The following CPEB4 variants were observed in gnomAD, a reference collection of about 807,000 sequenced individuals.
CPEB4 encodes the protein cytoplasmic polyadenylation element binding protein 4, also known as cytoplasmic polyadenylation element-binding protein 4.
CPEB4 carries 12 observed loss-of-function variants against 72.5 expected under a neutral mutation model. The observed-to-expected ratio is 0.17, with a 90% CI of 0.11 to 0.27. The LOEUF is 0.27. Ranked by LOEUF, CPEB4 falls within the 10% of genes least tolerant of loss-of-function variation. The probability of loss-of-function intolerance (pLI) is 1.00; values close to 1 mark genes in which losing one functional copy is unlikely to be tolerated. For missense variants in CPEB4, 614 were observed against 908.5 expected, an observed-to-expected ratio of 0.68 and a Z score of 4.17; for synonymous variants, 302 against 326.3, an observed-to-expected ratio of 0.93 and a Z score of 0.80.
chr5:173,914,327 A>C (rs1052774425), intron 2 of CPEB4, among the ~76,000 whole-genome samples: 4 of 152,228 alleles, frequency 2.6e-5, no homozygotes, highest in African/African-American at 7.2e-5. Context: ...AAGGTAATAA[A>C]GATAATAAAA....
chr5:173,938,024 G>C (rs1014071130), intron 3 of CPEB4, among the ~76,000 whole-genome samples: 4 of 152,148 alleles, frequency 2.6e-5, no homozygotes, highest in African/African-American at 9.7e-5. Context: ...CATCTTTGTT[G>C]AATCGTATGC....
In CPEB4 at chr5:173,956,236, G is replaced by A. The variant is rs747601587; in HGVS notation, c.*99G>A. On this transcript the variant is annotated 3_prime_UTR_variant, in exon 10 of 10. Coordinates refer to ENST00000265085, the MANE Select transcript of CPEB4 (RefSeq NM_030627.4). Reference sequence around the variant, plus strand: ...CCTCTTCACGCTGGCATGTCCTTTTGTAGCAGTCTGTAACTTAACTATAGT... The same window carrying A: ...CCTCTTCACGCTGGCATGTCCTTTTATAGCAGTCTGTAACTTAACTATAGT... 2.4e-6 allele frequency: 2 copies of A among 847,688 alleles called. No homozygotes were observed. Among genetic ancestry groups the A allele is most frequent in the Non-Finnish European group, 3.9e-6 (2 of 518,178 alleles). 52.5% of individuals were successfully genotyped at this position (847,688 alleles called of 1,614,324 possible).
At chr5:173,903,729 C>G (rs775441247) in intron 1 of CPEB4, among the ~76,000 whole-genome samples, 2 of 152,204 alleles carry the variant, frequency 1.3e-5, no homozygotes, top group Non-Finnish European at 2.9e-5. Context: ...CCAGCAGGTT[C>G]ACGTGCTGCT....
chr5:173,909,788 C>G (rs887195869), intron 1 of CPEB4, among the ~76,000 whole-genome samples: 1 of 151,884 alleles, frequency 6.6e-6, no homozygotes, highest in Non-Finnish European at 1.5e-5. Context: ...CCTTTGAGGT[C>G]GGGAGTTCAA....
intron 5 of CPEB4, among the ~76,000 whole-genome samples, chr5:173,945,365 G>T (rs1303446578): frequency 1.3e-5 from 2 of 152,200 alleles, no homozygotes; most frequent in Non-Finnish European, 2.9e-5. Flanking sequence ...ATATGAAAAG[G>T]AGTAAACATC....
At chr5:173,928,327 T>C (rs1757321124) in intron 2 of CPEB4, among the ~76,000 whole-genome samples, 1 of 152,200 alleles carries the variant, frequency 6.6e-6, no homozygotes, top group South Asian at 2.1e-4. Flanking sequence ...GCAAAAGTAG[T>C]TGCAGTTTTT....
chr5:173,901,331 T>C (rs1164349026), intron 1 of CPEB4, among the ~76,000 whole-genome samples: 2 of 152,166 alleles, frequency 1.3e-5, no homozygotes, highest in Admixed American at 6.5e-5. Flanking sequence ...ATAATTCTAT[T>C]AGGGAACATG....
intron 8 of CPEB4, among the ~76,000 whole-genome samples, chr5:173,952,399 A>G (rs528323446): frequency 1.3e-5 from 2 of 152,362 alleles, no homozygotes; most frequent in South Asian, 2.1e-4. Flanking sequence ...GCTCTGGGAT[A>G]TAATAGACTT....
rs767824733 is a variant in CPEB4, at chr5:173,961,130, C to G, written c.*4993C>G. ...CTTTCCCAACAGGCAGCTCTTCTAA[C>G]TATAGAGATTACTGAGGGTAAGGGC... is the stretch of plus-strand genomic sequence containing the variant. On this transcript the variant is annotated 3_prime_UTR_variant, in exon 10 of 10. Transcript: ENST00000265085. The G allele has an allele frequency of 1.3e-5, 2 of 152,156 alleles. No individual in the cohort carries two copies. The highest frequency in any genetic ancestry group is 6.5e-5 in the Admixed American group (1 of 15,282). The allele number at this position is 152,156 out of a possible 1,614,324, so 9.4% of individuals were successfully genotyped here.
intron 2 of CPEB4, among the ~76,000 whole-genome samples, chr5:173,927,731 C>T (rs6886746): frequency 0.11 from 16,125 of 151,870 alleles, 1,058 homozygotes; most frequent in Middle Eastern, 0.21. Context: ...AAGCTGAGAT[C>T]GCACTACTGC....
intron 1 of CPEB4, among the ~76,000 whole-genome samples, chr5:173,909,309 G>C (rs180694867): frequency 8.4e-4 from 128 of 152,230 alleles, no homozygotes; most frequent in Non-Finnish European, 1.6e-3. Flanking sequence ...TTCTAACTCT[G>C]ATCCTTTTAT....
intron 3 of CPEB4, among the ~76,000 whole-genome samples, chr5:173,938,302 T>C (rs911568611): frequency 6.6e-6 from 1 of 152,168 alleles, no homozygotes; most frequent in Non-Finnish European, 1.5e-5. Flanking sequence ...CTCAGCTCAC[T>C]GCAATCTTTA....
chr5:173,899,852 AT>A (rs1756160780), intron 1 of CPEB4, among the ~76,000 whole-genome samples: 1 of 152,178 alleles, frequency 6.6e-6, no homozygotes, highest in African/African-American at 2.4e-5. Context: ...TTGAAGGGCC[AT>A]GGGCTGAGGA....
rs200450562 is a variant in CPEB4 at position 173,921,187 on chromosome 5, A to AT, written c.1207+10592dup. On this transcript the variant is annotated intron_variant, in intron 2 of 9. Transcript: ENST00000265085. ...TTCATAGTAGCCTTCTGATATTAAGATTTTTTTTTGTTTTTGTTCTGTTTT... is the reference window on the plus strand; with the variant it reads ...TTCATAGTAGCCTTCTGATATTAAGATTTTTTTTTTGTTTTTGTTCTGTTTT... 1.4e-3 allele frequency among the ~76,000 whole-genome samples: 208 copies of AT among 151,800 alleles called. 6 individuals carry two copies. The highest frequency in any genetic ancestry group is 1.7e-3 in the Admixed American group (26 of 15,240).
In CPEB4 at chr5:173,890,017, A is replaced by G; in HGVS notation, c.284A>G (p.Gln95Arg). 1 of 1,614,220 alleles carries G rather than the reference A, an allele frequency of 6.2e-7. No individual in the cohort carries two copies. The highest frequency in any genetic ancestry group is 8.5e-7 in the Non-Finnish European group (1 of 1,180,024). The change falls in exon 1 of 10, where the codon CAG (glutamine) becomes CGG (arginine). Residue 95 changes from glutamine (Q) to arginine (R), a missense_variant. Physicochemically the swap from Gln to Arg is conservative, Grantham distance 43 (BLOSUM62 1). Transcript: ENST00000265085. Reference sequence around the variant, plus strand: ...CAGCAAGACCCCTTAGAAAAGCAGCAGCTTTCCCCAAGTCCAGGTCAGGAA... The same window carrying G: ...CAGCAAGACCCCTTAGAAAAGCAGCGGCTTTCCCCAAGTCCAGGTCAGGAA... ...QEQQDPLEKQ[Q>R]LSPSPGQEAG...
Position 173,911,870 on chromosome 5 carries a change from G to C in CPEB4, c.1207+1266G>C, listed in dbSNP as rs115226767. On this transcript the variant is annotated intron_variant, in intron 2 of 9. Coordinates refer to ENST00000265085, the MANE Select transcript of CPEB4 (RefSeq NM_030627.4). Reference sequence around the variant, plus strand: ...GTCAAAGGTGACAAGGCAGCCTGTTGTTTCAACTGGTGACCTGCTTAGCCT... The same window carrying C: ...GTCAAAGGTGACAAGGCAGCCTGTTCTTTCAACTGGTGACCTGCTTAGCCT... Among the ~76,000 whole-genome samples, 899 of 152,078 alleles carry C rather than the reference G, an allele frequency of 5.9e-3. 15 individuals carry two copies. Among genetic ancestry groups the C allele is most frequent in the African/African-American group, 0.02 (841 of 41,470 alleles).
intron 5 of CPEB4, 25 bp from the exon 6 acceptor site, chr5:173,949,480 TCTA>T (rs1254544438): frequency 6.8e-7 from 1 of 1,465,432 alleles, no homozygotes; most frequent in East Asian, 2.3e-5. Context: ...AATATTTAAA[TCTA>T]CTGTTTTCCT....
In CPEB4 at chr5:173,917,763, A is replaced by G. The variant is rs559222332; in HGVS notation, c.1207+7159A>G. On this transcript the variant is annotated intron_variant, in intron 2 of 9. Transcript: ENST00000265085. ...AAAGAAGAAGAAATGGATAACGCAA[A>G]CCAGTTAATTTTACTCGGATTTATA... 2.0e-5 allele frequency among the ~76,000 whole-genome samples: 3 copies of G among 152,258 alleles called. No individual in the cohort carries two copies. In the South Asian group the frequency reaches 6.2e-4, roughly 32 times the overall value.
Position 173,956,826 on chromosome 5 carries a change from A to T in CPEB4, c.*689A>T, listed in dbSNP as rs1561635811. The T allele has an allele frequency of 6.7e-6, 1 of 149,366 alleles. No homozygotes were observed. The highest frequency in any genetic ancestry group is 2.1e-4 in the South Asian group (1 of 4,756). The allele number at this position is 149,366 out of a possible 1,614,324, so 9.3% of individuals were successfully genotyped here. A position where few individuals can be genotyped will look rare whatever the true frequency, so the allele number is the denominator to read the frequency against. The stretch of plus-strand genomic sequence containing the variant: ...AAGTTACCACCACATCAGAAAAAAT[A>T]AAAAAAAAATAGTAAAGTAGGCAGA... On this transcript the variant is annotated 3_prime_UTR_variant, in exon 10 of 10. Coordinates refer to ENST00000265085, the MANE Select transcript of CPEB4 (RefSeq NM_030627.4).
Sources: gnomAD v4.1 joint callset for allele counts (sites outside exome capture counted in the v4.1 genomes callset) on GRCh38, gnomAD v4.1.1 for gene constraint, MANE v1.5 for transcripts, NCBI Gene and HGNC (gene_info 2026-07-23, HGNC 2026-07-21) for gene names.